The following CSNK1G2 variants were observed in gnomAD, a reference collection of about 807,000 sequenced individuals.
The protein encoded by CSNK1G2 is casein kinase I isoform gamma-2.
In CSNK1G2, 11 loss-of-function variants were observed where a neutral mutation model predicts 48.0. The observed-to-expected ratio is 0.23, with a 90% confidence interval of 0.14 to 0.38. CSNK1G2 has a LOEUF of 0.38. Among genes scored for constraint, CSNK1G2 ranks in the 10% least tolerant of loss-of-function variants. The pLI is 1.00. For synonymous variants in CSNK1G2, 337 were observed against 254.1 expected, an observed-to-expected ratio of 1.33 and a Z score of -3.10; for missense variants, 446 against 595.5, an observed-to-expected ratio of 0.75 and a Z score of 2.61.
intron 1 of CSNK1G2, chr19:1,942,539 A>G (rs1022761199): frequency 6.6e-6 from 1 of 152,340 alleles, no homozygotes; most frequent in Non-Finnish European, 1.5e-5. Flanking sequence ...ACCCCAGGAC[A>G]TGCAGGAGCC....
At chr19:1,952,919 A>G in intron 1 of CSNK1G2, 1 of 449,936 alleles carries the variant, frequency 2.2e-6, no homozygotes, top group Non-Finnish European at 4.3e-6. Flanking sequence ...ACTGCCTTCG[A>G]GTGGAGGGAA....
At chr19:1,979,121 G>T in intron 6 of CSNK1G2, 28 bp downstream of exon 6, 2 of 1,573,826 alleles carry the variant, frequency 1.3e-6, no homozygotes, top group Non-Finnish European at 1.7e-6. Context: ...GGCGGGGGGC[G>T]GGCGCCCGGA....
chr19:1,975,255 A>G (rs1196334667), intron 2 of CSNK1G2: 41 of 985,350 alleles, frequency 4.2e-5, no homozygotes, highest in Non-Finnish European at 4.6e-5. Context: ...TCAGGGAGCC[A>G]CAGCTGGATG....
chr19:1,954,234 A>T (rs2014898230), intron 1 of CSNK1G2: 1 of 329,138 alleles, frequency 3.0e-6, no homozygotes, highest in Admixed American at 3.9e-5. Flanking sequence ...GCCCTGCGTC[A>T]CTGGGCTGGG....
At position 1,970,099 on chromosome 19, in the gene CSNK1G2, A is replaced by C. The variant is rs1018624875; in HGVS notation, c.187+140A>C. 3 of 568,872 alleles carry C rather than the reference A, an allele frequency of 5.3e-6. No homozygotes were observed. In the Admixed American group the frequency reaches 1.3e-4, roughly 25 times the overall value. The allele number at this position is 568,872 out of a possible 1,614,324, so 35.2% of individuals were successfully genotyped here. A position where few individuals can be genotyped will look rare whatever the true frequency, so the allele number is the denominator to read the frequency against. On this transcript the variant is annotated intron_variant, in intron 2 of 11. Transcript: ENST00000255641. ...CCCATGTCACTGGCAGGTGCGTTGA[A>C]TCATCAGTCCGTCGTGGTGCGAGTG...
intron 1 of CSNK1G2, among the ~76,000 whole-genome samples, chr19:1,948,911 T>A (rs950392164): frequency 6.6e-6 from 1 of 152,138 alleles, no homozygotes; most frequent in Non-Finnish European, 1.5e-5. Context: ...CCAGAACATG[T>A]GGAGAAAAGC....
chr19:1,952,917 C>G (rs376946152), intron 1 of CSNK1G2: 1 of 450,530 alleles, frequency 2.2e-6, no homozygotes, highest in East Asian at 7.6e-5. Context: ...TGACTGCCTT[C>G]GAGTGGAGGG....
rs1396758757 is a variant in CSNK1G2 at position 1,980,386 on chromosome 19, C to T, written c.*183C>T. On this transcript the variant is annotated 3_prime_UTR_variant, in exon 12 of 12. Coordinates refer to ENST00000255641, the MANE Select transcript of CSNK1G2 (RefSeq NM_001319.7). ...CACCCCCGGGACGTGGGGTCACTTC[C>T]TTCATGTAAGACTTTGGCCGAAATT... 5.6e-6 allele frequency: 4 copies of T among 710,624 alleles called. No individual in the cohort carries two copies. Among genetic ancestry groups the T allele is most frequent in the African/African-American group, 5.4e-5 (3 of 55,622 alleles). The allele number at this position is 710,624 out of a possible 1,614,324, so 44.0% of individuals were successfully genotyped here.
At chr19:1,963,001 A>C (rs367874916) in intron 1 of CSNK1G2, among the ~76,000 whole-genome samples, 3 of 151,808 alleles carry the variant, frequency 2.0e-5, no homozygotes, top group Admixed American at 6.6e-5. Context: ...GAAAAGGAAG[A>C]AGCTCTGACT....
At chr19:1,969,287 G>A (rs925116993) in intron 1 of CSNK1G2, among the ~76,000 whole-genome samples, 3 of 118,648 alleles carry the variant, frequency 2.5e-5, no homozygotes, top group South Asian at 3.0e-4. Flanking sequence ...TACCCTGTTC[G>A]TCCCCAGGCA....
rs761660656 is a variant in CSNK1G2, at chr19:1,954,018, A to C, written c.-266+12600A>C. The C allele has an allele frequency of 2.1e-5, 11 of 532,694 alleles. 1 individual carries two copies. Among genetic ancestry groups the C allele is most frequent in the South Asian group, 1.4e-4 (10 of 71,556 alleles). 33.0% of individuals were successfully genotyped at this position (532,694 alleles called of 1,614,324 possible). Reference sequence around the variant, plus strand: ...TTGGTCTGGTGTCTGCAGTGCTCCGAGGACCGGCCCTGCCCATCCCTGGCG... The same window carrying C: ...TTGGTCTGGTGTCTGCAGTGCTCCGCGGACCGGCCCTGCCCATCCCTGGCG... On this transcript the variant is annotated intron_variant, in intron 1 of 11. Transcript: ENST00000255641.
At chr19:1,949,832 CA>C (rs1366860674) in intron 1 of CSNK1G2, among the ~76,000 whole-genome samples, 1 of 152,256 alleles carries the variant, frequency 6.6e-6, no homozygotes, top group Non-Finnish European at 1.5e-5. Context: ...TGCAGGGCAT[CA>C]GGGACCCTGC....
Position 1,979,763 on chromosome 19 carries a change from C to G in CSNK1G2, c.1014C>G (p.Ile338Met). ...TCCCTCACCCACAGCCGACCCCCAT[C>G]GGCACCGTCCACACCGACCTGCCCT... ...DWAGKPLPTP[I>M]GTVHTDLPSQ... Residue 338 changes from isoleucine (I) to methionine (M), a missense_variant, in exon 10 of 12, where the codon ATC becomes ATG. Physicochemically the swap from Ile to Met is conservative, Grantham distance 10 (BLOSUM62 1). Around this residue, in one of 2 missense-constraint regions of CSNK1G2, gnomAD observed 188 missense variants for 179.6 expected, o/e 1.05. Transcript: ENST00000255641. The G allele has an allele frequency of 1.2e-6, 2 of 1,606,034 alleles. No individual in the cohort carries two copies. Among genetic ancestry groups the G allele is most frequent in the Non-Finnish European group, 1.7e-6 (2 of 1,179,138 alleles).
At chr19:1,945,414 C>T (rs1196491325) in intron 1 of CSNK1G2, among the ~76,000 whole-genome samples, 1 of 152,238 alleles carries the variant, frequency 6.6e-6, no homozygotes, top group Non-Finnish European at 1.5e-5. Flanking sequence ...GGGCAGCCCC[C>T]TGCCAGCCCT....
At chr19:1,950,583 G>A (rs538078575) in intron 1 of CSNK1G2, among the ~76,000 whole-genome samples, 1 of 146,696 alleles carries the variant, frequency 6.8e-6, no homozygotes, top group Non-Finnish European at 1.5e-5. Context: ...AAAATTGTCT[G>A]AGGCCTCTGG....
chr19:1,979,417 G>A lies in CSNK1G2; in HGVS notation c.853+14G>A. The A allele has an allele frequency of 6.5e-7, 1 of 1,550,250 alleles. No individual in the cohort carries two copies. Among genetic ancestry groups the A allele is most frequent in the South Asian group, 1.2e-5 (1 of 84,098 alleles). Reference sequence around the variant, plus strand: ...AGAACTTCCCAGGTAAGGGGTCCCTGCGCCCCCGCCCTGTGCCCCCCACCC... The same window carrying A: ...AGAACTTCCCAGGTAAGGGGTCCCTACGCCCCCGCCCTGTGCCCCCCACCC... On this transcript the variant is annotated intron_variant, in intron 8 of 11. Transcript: ENST00000255641.
rs186634124 is a variant in CSNK1G2 at position 1,951,093 on chromosome 19, G to A, written c.-266+9675G>A. On this transcript the variant is annotated intron_variant, in intron 1 of 11. Coordinates refer to ENST00000255641, the MANE Select transcript of CSNK1G2 (RefSeq NM_001319.7). ...GCCTGGGGAGGCAACACTTTCTACC[G>A]TTTGCTGGTTTATAAAAATCAAAGA... Among the ~76,000 whole-genome samples the A allele has an allele frequency of 1.3e-4, 19 of 145,296 alleles. 2 individuals carry two copies. Among genetic ancestry groups the A allele is most frequent in the Admixed American group, 4.8e-4 (7 of 14,512 alleles).
chr19:1,944,286 G>A (rs1021950142), intron 1 of CSNK1G2, among the ~76,000 whole-genome samples: 2 of 152,146 alleles, frequency 1.3e-5, no homozygotes, highest in Non-Finnish European at 2.9e-5. Context: ...GTGCAAGGCC[G>A]TCTGAGTGAG....
In CSNK1G2 at chr19:1,969,599, C is replaced by G. The variant is rs997246064; in HGVS notation, c.-174C>G. On this transcript the variant is annotated 5_prime_UTR_variant, in exon 2 of 12. Coordinates refer to ENST00000255641, the MANE Select transcript of CSNK1G2 (RefSeq NM_001319.7). ...CCCGAGGCCACTGAGAAGAGCAGCGCGGCCTGGCCGGCCCGAACGCCTGCG... is the reference window on the plus strand; with the variant it reads ...CCCGAGGCCACTGAGAAGAGCAGCGGGGCCTGGCCGGCCCGAACGCCTGCG... 2.1e-6 allele frequency: 1 copy of G among 469,650 alleles called. No homozygotes were observed. The highest frequency in any genetic ancestry group is 2.0e-5 in the African/African-American group (1 of 49,744). 29.1% of individuals were successfully genotyped at this position (469,650 alleles called of 1,614,324 possible). A position where few individuals can be genotyped will look rare whatever the true frequency, so the allele number is the denominator to read the frequency against.
Sources: allele counts gnomAD v4.1 joint callset (sites outside exome capture counted in the v4.1 genomes callset), GRCh38; gene constraint gnomAD v4.1.1; regional missense constraint gnomAD v4.1.1; transcripts MANE v1.5; gene names NCBI Gene and HGNC (gene_info 2026-07-23, HGNC 2026-07-21).